The following GOLGA8B variants were observed in gnomAD, a reference collection of about 807,000 sequenced individuals.
The protein encoded by GOLGA8B is golgin subfamily A member 8B.
GOLGA8B carries 1 observed loss-of-function variant against 15.6 expected under a neutral mutation model. The observed-to-expected ratio is 0.06, with a 90% CI of 0.02 to 0.30. GOLGA8B has a LOEUF of 0.30. GOLGA8B is among the 10% of genes least tolerant of loss of function. GOLGA8B has a pLI of 1.00. For synonymous variants in GOLGA8B, 9 were observed against 80.3 expected (o/e 0.11, Z 4.75); for missense variants, 17 against 201.3 (o/e 0.08, Z 5.54).
At chr15:34,563,989 A>G (rs1257569831) in intron 1 of GOLGA8B, among the ~76,000 whole-genome samples, 2 of 133,708 alleles carry the variant, frequency 1.5e-5, no homozygotes, top group African/African-American at 2.7e-5. Flanking sequence ...GGAAGCTTAC[A>G]TGTTTTTCTA....
At chr15:34,581,742 C>A (rs1817730537) in intron 1 of GOLGA8B, among the ~76,000 whole-genome samples, 1 of 152,178 alleles carries the variant, frequency 6.6e-6, no homozygotes, top group African/African-American at 2.4e-5. Flanking sequence ...CCTGCTCACA[C>A]ACACTCACAC....
At position 34,577,507 on chromosome 15, in the gene GOLGA8B, TACACACACACACACACAC is replaced by T. The variant is rs71119972; in HGVS notation, c.-1123+5991_-1123+6008del. On this transcript the variant is annotated intron_variant, in intron 1 of 23. Transcript: ENST00000683415. ...ACCAAATGAAAAAAATTATATATCA[TACACACACACACACACAC>T]ACACACACACACACACACACACACA... Among the ~76,000 whole-genome samples the T allele has an allele frequency of 7.9e-3, 996 of 125,302 alleles. 10 individuals carry two copies. Among genetic ancestry groups the T allele is most frequent in the African/African-American group, 0.019 (630 of 32,954 alleles). The allele number at this position is 125,302 out of a possible 152,430, so 82.2% of individuals were successfully genotyped here.
At chr15:34,572,295 C>T (rs11638148) in intron 1 of GOLGA8B, among the ~76,000 whole-genome samples, 19,796 of 152,142 alleles carry the variant, frequency 0.13, 1,548 homozygotes, top group Non-Finnish European at 0.19. Flanking sequence ...CATTCAGCCC[C>T]GCAAGTCCAC....
chr15:34,557,644 A>ATGTGTGTATGTGTGTGTGTGTGTG (rs1555405944), intron 1 of GOLGA8B, among the ~76,000 whole-genome samples: 6 of 76,142 alleles, frequency 7.9e-5, no homozygotes, highest in Admixed American at 6.4e-4. Context: ...GAATTCATGA[A>ATGTGTGTATGTGTGTGTGTGTGTG]TGTGTGTGTG....
At chr15:34,577,732 G>C (rs1889121389) in intron 1 of GOLGA8B, among the ~76,000 whole-genome samples, 1 of 152,174 alleles carries the variant, frequency 6.6e-6, no homozygotes, top group African/African-American at 2.4e-5. Context: ...TTACTGTGCT[G>C]AAGGTGTGTA....
At chr15:34,573,157 C>A (rs562272197) in intron 1 of GOLGA8B, among the ~76,000 whole-genome samples, 4 of 152,316 alleles carry the variant, frequency 2.6e-5, no homozygotes, top group African/African-American at 9.6e-5. Context: ...CGCTGCCCCT[C>A]AGACCTTGAC....
At chr15:34,573,878 C>T (rs1566935899) in intron 1 of GOLGA8B, among the ~76,000 whole-genome samples, 2 of 151,320 alleles carry the variant, frequency 1.3e-5, no homozygotes, top group Non-Finnish European at 2.9e-5. Flanking sequence ...CCATCGGACT[C>T]CCAGGTACCT....
At chr15:34,560,009 G>A (rs201588899) in intron 1 of GOLGA8B, among the ~76,000 whole-genome samples, 12,468 of 148,344 alleles carry the variant, frequency 0.084, 889 homozygotes, top group South Asian at 0.22. Context: ...AGACCAAAAT[G>A]AGCCATGAGT....
At chr15:34,579,925 A>G (rs1441352546) in intron 1 of GOLGA8B, among the ~76,000 whole-genome samples, 23 of 152,230 alleles carry the variant, frequency 1.5e-4, no homozygotes, top group Admixed American at 1.5e-3. Context: ...GTACATAAAT[A>G]ACACACTGAA....
intron 1 of GOLGA8B, among the ~76,000 whole-genome samples, chr15:34,567,145 T>G (rs1888785580): frequency 7.7e-6 from 1 of 129,886 alleles, no homozygotes. Context: ...AGCATTGATG[T>G]CTGTGAAAAC....
At chr15:34,581,668 C>T (rs1889239660) in intron 1 of GOLGA8B, among the ~76,000 whole-genome samples, 1 of 151,890 alleles carries the variant, frequency 6.6e-6, no homozygotes, top group Non-Finnish European at 1.5e-5. Context: ...TCAGAGAAAA[C>T]ATGCAAGGTG....
At chr15:34,580,286 T>C (rs1207052481) in intron 1 of GOLGA8B, among the ~76,000 whole-genome samples, 2 of 152,098 alleles carry the variant, frequency 1.3e-5, no homozygotes, top group African/African-American at 4.8e-5. Flanking sequence ...GGGACCATTC[T>C]TGGGAGCGAG....
chr15:34,568,914 C>T (rs1298059768), intron 1 of GOLGA8B, among the ~76,000 whole-genome samples: 1 of 145,604 alleles, frequency 6.9e-6, no homozygotes, highest in Admixed American at 6.7e-5. Flanking sequence ...GCTACTTGGC[C>T]TTGTGTACGC....
At chr15:34,582,118 G>A (rs1331451756) in intron 1 of GOLGA8B, among the ~76,000 whole-genome samples, 1 of 152,182 alleles carries the variant, frequency 6.6e-6, no homozygotes, top group Non-Finnish European at 1.5e-5. Flanking sequence ...CGGTCACCCA[G>A]GAATCAGCGC....
intron 1 of GOLGA8B, among the ~76,000 whole-genome samples, chr15:34,575,720 A>G (rs192129499): frequency 0.015 from 2,323 of 152,034 alleles, 30 homozygotes; most frequent in Middle Eastern, 0.034. Flanking sequence ...TCCATGATCC[A>G]CCCCAACCTA....
chr15:34,576,386 C>A (rs1013365930), intron 1 of GOLGA8B, among the ~76,000 whole-genome samples: 2 of 152,154 alleles, frequency 1.3e-5, no homozygotes, highest in Non-Finnish European at 1.5e-5. Context: ...CTGAAAACTG[C>A]GAAAGCCCAA....
chr15:34,578,369 T>C (rs1277061930), intron 1 of GOLGA8B, among the ~76,000 whole-genome samples: 1 of 152,164 alleles, frequency 6.6e-6, no homozygotes, highest in Non-Finnish European at 1.5e-5. Flanking sequence ...GCCATCAGTC[T>C]CTCAGCACGT....
At chr15:34,578,200 G>T (rs1344837695) in intron 1 of GOLGA8B, among the ~76,000 whole-genome samples, 1 of 152,190 alleles carries the variant, frequency 6.6e-6, no homozygotes, top group Non-Finnish European at 1.5e-5. Flanking sequence ...GACAAGAAGT[G>T]CTAAGAATCC....
At chr15:34,572,270 T>G (rs1888937341) in intron 1 of GOLGA8B, among the ~76,000 whole-genome samples, 1 of 152,202 alleles carries the variant, frequency 6.6e-6, no homozygotes, top group African/African-American at 2.4e-5. Flanking sequence ...CTGTTGACAC[T>G]CTGAATGCCC....
Sources: allele counts gnomAD v4.1 joint callset (sites outside exome capture counted in the v4.1 genomes callset), GRCh38; gene constraint gnomAD v4.1.1; transcripts MANE v1.5; gene names NCBI Gene and HGNC (gene_info 2026-07-23, HGNC 2026-07-21).